The following ANO3 variants were observed in gnomAD, a reference collection of about 807,000 sequenced individuals.
ANO3 encodes anoctamin-3.
A neutral mutation model predicts 144.8 loss-of-function variants in ANO3; 99 were observed. The ratio of observed to expected loss-of-function variants is 0.68; its 90% CI spans 0.58 to 0.81. ANO3 has a LOEUF of 0.81. Ranked by LOEUF, ANO3 falls within the 30% of genes least tolerant of loss-of-function variation. The probability of loss-of-function intolerance (pLI) is 0.00; values close to 1 mark genes in which losing one functional copy is unlikely to be tolerated. For missense variants in ANO3, 905 were observed against 1,202.2 expected (o/e 0.75, Z 3.66); for synonymous variants, 414 against 392.6 (o/e 1.05, Z -0.64).
intron 6 of ANO3, among the ~76,000 whole-genome samples, chr11:26,519,024 G>A (rs1290879191): frequency 6.6e-6 from 1 of 151,900 alleles, no homozygotes; most frequent in Non-Finnish European, 1.5e-5. Flanking sequence ...TCTAATATCA[G>A]GACAAAATTG....
chr11:26,436,512 A>T (rs1232007768), intron 1 of ANO3, among the ~76,000 whole-genome samples: 1 of 152,172 alleles, frequency 6.6e-6, no homozygotes, highest in Admixed American at 6.5e-5. Flanking sequence ...AACAGTAAAG[A>T]TGGTGGCCTG....
chr11:26,559,847 C>CACACAT lies in ANO3; in HGVS notation c.1447+73_1447+74insTACACA, dbSNP rs1850214485. The CACACAT allele has an allele frequency of 2.2e-5, 18 of 811,866 alleles. 1 individual carries two copies. The highest frequency in any genetic ancestry group is 8.8e-5 in the African/African-American group (5 of 56,590). 50.3% of individuals were successfully genotyped at this position (811,866 alleles called of 1,614,324 possible). ...GCTGTTTCTGTGTTACACACACACA[C>CACACAT]ACACACACACACACACACACACACA... On this transcript the variant is annotated intron_variant, in intron 14 of 26. Coordinates refer to ENST00000256737, the MANE Select transcript of ANO3 (RefSeq NM_031418.4).
At position 26,356,115 on chromosome 11, in the gene ANO3, A is replaced by G. The variant is rs1045340615; in HGVS notation, c.46+23794A>G. ...TATGATATTCTCTCATTTTTCACCT[A>G]TTTGTCTTTTTTCTTTTTATTCCAC... On this transcript the variant is annotated intron_variant, in intron 1 of 26. Transcript: ENST00000256737. Among the ~76,000 whole-genome samples the G allele has an allele frequency of 4.6e-5, 7 of 151,758 alleles. No homozygotes were observed. In the East Asian group the frequency reaches 1.2e-3, roughly 25 times the overall value.
chr11:26,509,880 A>G (rs1861590620), intron 5 of ANO3, among the ~76,000 whole-genome samples: 1 of 152,086 alleles, frequency 6.6e-6, no homozygotes, highest in Non-Finnish European at 1.5e-5. Context: ...GCCATGGCTC[A>G]CGCTTATAAT....
chr11:26,252,268 A>T (rs1378585379), intron 1 of ANO3, among the ~76,000 whole-genome samples: 7 of 152,248 alleles, frequency 4.6e-5, no homozygotes, highest in Admixed American at 4.6e-4. Context: ...ACGCATCATA[A>T]GAAAAGTAAT....
Position 26,660,322 on chromosome 11 carries a change from C to A in ANO3, c.2824C>A (p.Leu942Ile), listed in dbSNP as rs762295148. ...CCTGATTCCAGACGTACCAAAGGGTCTACATGACCGAATACGACGAGAGAA... is the reference window on the plus strand; with the variant it reads ...CCTGATTCCAGACGTACCAAAGGGTATACATGACCGAATACGACGAGAGAA... ...AYLIPDVPKG[L>I]HDRIRREKYL... The change falls in exon 27 of 27, where the codon CTA (leucine) becomes ATA (isoleucine). Residue 942 changes from leucine to isoleucine, a missense_variant. Transcript: ENST00000256737. 4 of 1,613,426 alleles carry A rather than the reference C, an allele frequency of 2.5e-6. No homozygotes were observed. The highest frequency in any genetic ancestry group is 1.3e-5 in the African/African-American group (1 of 74,848).
intron 4 of ANO3, among the ~76,000 whole-genome samples, chr11:26,464,179 G>GCAGGGATAATTGTGCCAGATTT (rs1462449628): frequency 6.6e-6 from 1 of 151,688 alleles, no homozygotes; most frequent in Non-Finnish European, 1.5e-5. Flanking sequence ...ATACATAGAT[G>GCAGGGATAATTGTGCCAGATTT]CAGGGATAAT....
intron 14 of ANO3, among the ~76,000 whole-genome samples, chr11:26,566,341 G>A (rs539410234): frequency 3.9e-5 from 6 of 152,112 alleles, no homozygotes; most frequent in Non-Finnish European, 8.8e-5. Flanking sequence ...TTATAAAGAT[G>A]TCATTTGAAA....
chr11:26,465,684 A>G (rs1369335833), intron 4 of ANO3, among the ~76,000 whole-genome samples: 1 of 151,940 alleles, frequency 6.6e-6, no homozygotes, highest in Non-Finnish European at 1.5e-5. Context: ...ATGAGGAAGC[A>G]CTGTTGAGTT....
chr11:26,588,146 G>A (rs1851342461), intron 14 of ANO3, among the ~76,000 whole-genome samples: 2 of 151,872 alleles, frequency 1.3e-5, no homozygotes, highest in Non-Finnish European at 2.9e-5. Context: ...TATAACCACC[G>A]TCACCCCTGT....
intron 4 of ANO3, among the ~76,000 whole-genome samples, chr11:26,480,265 G>T (rs936291906): frequency 2.6e-5 from 4 of 152,106 alleles, no homozygotes; most frequent in Admixed American, 2.6e-4. Context: ...CTCTGCTGGG[G>T]GTGCTATAAC....
At chr11:26,472,850 T>C (rs180811684) in intron 4 of ANO3, among the ~76,000 whole-genome samples, 2,184 of 152,000 alleles carry the variant, frequency 0.014, 19 homozygotes, top group Non-Finnish European at 0.021. Flanking sequence ...TATGAATATT[T>C]TGAGGAATTA....
At chr11:26,450,595 C>T (rs747819607) in intron 3 of ANO3, among the ~76,000 whole-genome samples, 12 of 152,166 alleles carry the variant, frequency 7.9e-5, no homozygotes, top group Non-Finnish European at 1.3e-4. Context: ...GGTCCAGTTT[C>T]AGGTACCAAC....
At chr11:26,513,852 G>A (rs1460394504) in intron 5 of ANO3, among the ~76,000 whole-genome samples, 3 of 152,170 alleles carry the variant, frequency 2.0e-5, no homozygotes, top group Admixed American at 6.5e-5. Context: ...TTTTGTTTGA[G>A]TCTAGACTCA....
Position 26,639,629 on chromosome 11 carries a change from G to A in ANO3, c.2141+388G>A, listed in dbSNP as rs566460463. On this transcript the variant is annotated intron_variant, in intron 21 of 26. Transcript: ENST00000256737. ...CCAAGTTTGTTGTTTAATAAAGACA[G>A]CCTTCATTCCTCCCAAAAGAATAAA... Among the ~76,000 whole-genome samples, 3 of 152,272 alleles carry A rather than the reference G, an allele frequency of 2.0e-5. No individual in the cohort carries two copies. The South Asian group carries it at 6.2e-4, about 32-fold the overall frequency.
chr11:26,423,785 G>T lies in ANO3; in HGVS notation c.47-18133G>T, dbSNP rs575460070. On this transcript the variant is annotated intron_variant, in intron 1 of 26. Transcript: ENST00000256737. The stretch of plus-strand genomic sequence containing the variant: ...TGTTATTTATACCACGGGAAGTCAT[G>T]GTAATGCACCATCCAGGATAGGGTA... 4.6e-5 allele frequency among the ~76,000 whole-genome samples: 7 copies of T among 152,026 alleles called. No individual in the cohort carries two copies. The East Asian group carries it at 1.4e-3, about 29-fold the overall frequency.
intron 1 of ANO3, among the ~76,000 whole-genome samples, chr11:26,424,883 TAC>T (rs1028266661): frequency 9.4e-5 from 14 of 149,232 alleles, no homozygotes; most frequent in African/African-American, 3.3e-4. Context: ...TAGTATTTTA[TAC>T]ATATATATAT....
chr11:26,244,617 A>G (rs1852742145), intron 1 of ANO3, among the ~76,000 whole-genome samples: 2 of 152,168 alleles, frequency 1.3e-5, no homozygotes, highest in South Asian at 4.1e-4. Flanking sequence ...AAAATAGGTG[A>G]GCAAATACCA....
At chr11:26,244,457 A>T (rs530231529) in intron 1 of ANO3, among the ~76,000 whole-genome samples, 20 of 150,746 alleles carry the variant, frequency 1.3e-4, no homozygotes, top group African/African-American at 4.7e-4. Flanking sequence ...CCACTTAGTC[A>T]GTGAGAACCA....
Sources: gnomAD v4.1 joint callset for allele counts (sites outside exome capture counted in the v4.1 genomes callset) on GRCh38, gnomAD v4.1.1 for gene constraint, MANE v1.5 for transcripts, NCBI Gene and HGNC (gene_info 2026-07-23, HGNC 2026-07-21) for gene names.